The following LVRN variants were observed in gnomAD, a reference collection of about 807,000 sequenced individuals.
The protein encoded by LVRN is laeverin.
Under a neutral mutation model 111.4 loss-of-function variants are expected in LVRN, and 99 were observed. That is an observed-to-expected ratio of 0.89 (90% CI 0.76 to 1.05). The LOEUF (loss-of-function observed/expected upper bound fraction) is 1.05, where lower values mean the gene tolerates loss of function less well. Ranked by LOEUF, LVRN falls within the 50% of genes least tolerant of loss-of-function variation. The pLI is 0.00. For synonymous variants in LVRN, 488 were observed against 449.5 expected (o/e 1.09, Z -1.08); for missense variants, 1,414 against 1,206.8 (o/e 1.17, Z -2.54).
Position 115,976,779 on chromosome 5 carries a change from A to G in LVRN, c.696-6508A>G, listed in dbSNP as rs144172281. The stretch of plus-strand genomic sequence containing the variant: ...TTGAATGCCTGACATTTAAATTTTT[A>G]TGTTGTTGGATGCTGGATTTGGTTA... On this transcript the variant is annotated intron_variant, in intron 1 of 19. Transcript: ENST00000357872. Among the ~76,000 whole-genome samples the G allele has an allele frequency of 4.9e-3, 743 of 152,140 alleles. 5 individuals carry two copies. Among genetic ancestry groups the G allele is most frequent in the Middle Eastern group, 6.8e-3 (2 of 294 alleles).
intron 18 of LVRN, among the ~76,000 whole-genome samples, chr5:116,019,446 G>A (rs1350945813): frequency 6.6e-6 from 1 of 152,018 alleles, no homozygotes; most frequent in African/African-American, 2.4e-5. Flanking sequence ...TTTACAACAG[G>A]GTTCACTCTT....
chr5:116,008,582 G>A (rs1489749144), intron 13 of LVRN, among the ~76,000 whole-genome samples: 1 of 148,374 alleles, frequency 6.7e-6, no homozygotes, highest in Non-Finnish European at 1.5e-5. Context: ...AAAAAGTACT[G>A]CTCCAGTGAA....
chr5:116,007,663 T>C (rs776810560), intron 13 of LVRN, among the ~76,000 whole-genome samples: 48 of 152,338 alleles, frequency 3.2e-4, no homozygotes, highest in Admixed American at 8.5e-4. Context: ...TCATATGTAC[T>C]ACAGGCATAC....
intron 5 of LVRN, 85 bp from the exon 6 acceptor site, chr5:115,993,656 T>C: frequency 1.2e-6 from 1 of 853,912 alleles, no homozygotes; most frequent in Non-Finnish European, 1.9e-6. Flanking sequence ...CTTTTGACCT[T>C]ACATTTACTT....
chr5:115,980,101 C>G (rs1026243074), intron 1 of LVRN, among the ~76,000 whole-genome samples: 1 of 152,052 alleles, frequency 6.6e-6, no homozygotes, highest in African/African-American at 2.4e-5. Context: ...GACAAATTCT[C>G]CCAAATTAAC....
intron 14 of LVRN, 47 bp downstream of exon 14, chr5:116,010,941 T>C (rs1176932741): frequency 2.2e-6 from 3 of 1,387,748 alleles, no homozygotes; most frequent in African/African-American, 3.0e-5. Flanking sequence ...TCCTCTCTTC[T>C]TCTTTTCATA....
intron 13 of LVRN, among the ~76,000 whole-genome samples, chr5:116,006,985 A>T (rs1748389303): frequency 6.6e-6 from 1 of 152,004 alleles, no homozygotes; most frequent in African/African-American, 2.4e-5. Context: ...GATATCCTTG[A>T]TTCCTCTCTT....
intron 13 of LVRN, among the ~76,000 whole-genome samples, chr5:116,007,966 G>A (rs1748412362): frequency 6.6e-6 from 1 of 152,176 alleles, no homozygotes. Flanking sequence ...ATAATTGTGT[G>A]TGTTCTGACT....
intron 2 of LVRN, 151 bp from the exon 3 acceptor site, chr5:115,984,419 T>C (rs1747802308): frequency 1.1e-6 from 1 of 900,650 alleles, no homozygotes; most frequent in South Asian, 1.8e-5. Context: ...TGGTTTTGGA[T>C]AGCTTAGGAG....
intron 15 of LVRN, among the ~76,000 whole-genome samples, chr5:116,013,769 A>G (rs1352886153): frequency 6.6e-6 from 1 of 152,180 alleles, no homozygotes; most frequent in Non-Finnish European, 1.5e-5. Flanking sequence ...AGTAGGGACC[A>G]CAAGGCATCA....
chr5:116,000,491 C>T lies in LVRN; in HGVS notation c.1574C>T (p.Ala525Val), dbSNP rs1256400269. 1.5e-5 allele frequency: 24 copies of T among 1,613,986 alleles called. No homozygotes were observed. Among genetic ancestry groups the T allele is most frequent in the Non-Finnish European group, 1.9e-5 (23 of 1,179,978 alleles). Residue 525 changes from alanine (A) to valine (V), a missense_variant, in exon 8 of 20, where the codon GCA (alanine) becomes GTA (valine). Physicochemically the swap from Ala to Val is moderately conservative, Grantham distance 64. Transcript: ENST00000357872. ...TTGAATGAGCATTTATTTGTCAGTG[C>T]ACTCAAGGTGAGTTTGCAAAATAGT... ...CFLNEHLFVS[A>V]LKSYLKTFSY...
At chr5:115,963,602 G>T (rs1021547253) in intron 1 of LVRN, among the ~76,000 whole-genome samples, 8 of 151,978 alleles carry the variant, frequency 5.3e-5, no homozygotes, top group East Asian at 1.9e-4. Context: ...GCAAACTATC[G>T]CAAGGACAAA....
chr5:116,010,012 T>G (rs1748452842), intron 13 of LVRN, among the ~76,000 whole-genome samples: 1 of 152,206 alleles, frequency 6.6e-6, no homozygotes, highest in Non-Finnish European at 1.5e-5. Flanking sequence ...TGAAAGGAAA[T>G]TGAGCAATTT....
In LVRN at chr5:115,983,361, A is replaced by C; in HGVS notation, c.770A>C (p.Lys257Thr). The change falls in exon 2 of 20, where the codon AAG becomes ACG. Residue 257 changes from lysine (K) to threonine (T), a missense_variant. Transcript: ENST00000357872. ...CCTTGTTTTGATGAGCCAGCTCTGA[A>C]GGCAACTTTTAATATTACAATGATT... ...VFPCFDEPAL[K>T]ATFNITMIHH... 2 of 1,611,986 alleles carry C rather than the reference A, an allele frequency of 1.2e-6. No homozygotes were observed. The highest frequency in any genetic ancestry group is 2.2e-5 in the South Asian group (2 of 90,626).
chr5:115,993,600 C>T, intron 5 of LVRN, 141 bp from the exon 6 acceptor site: 2 of 584,122 alleles, frequency 3.4e-6, no homozygotes, highest in Non-Finnish European at 6.0e-6. Context: ...TTTTGGTGTC[C>T]TGTCTTCAAG....
chr5:116,008,836 C>G (rs953189322), intron 13 of LVRN, among the ~76,000 whole-genome samples: 3 of 152,134 alleles, frequency 2.0e-5, no homozygotes, highest in African/African-American at 4.8e-5. Flanking sequence ...GAAGCCATCT[C>G]CATAACAAAG....
chr5:115,963,383 C>A, intron 1 of LVRN, 71 bp downstream of exon 1: 1 of 1,302,452 alleles, frequency 7.7e-7, no homozygotes, highest in Non-Finnish European at 1.0e-6. Context: ...GCGGGTCCAG[C>A]TGACTACCGT....
At chr5:115,984,093 C>T (rs1284519428) in intron 2 of LVRN, among the ~76,000 whole-genome samples, 2 of 152,180 alleles carry the variant, frequency 1.3e-5, no homozygotes, top group African/African-American at 2.4e-5. Flanking sequence ...CATTTCACAT[C>T]GAGTGCCTGG....
chr5:115,979,958 G>A (rs1234223942), intron 1 of LVRN, among the ~76,000 whole-genome samples: 6 of 152,164 alleles, frequency 3.9e-5, no homozygotes, highest in African/African-American at 1.4e-4. Context: ...CTCCAAGGGT[G>A]TCATGTGGTT....
Sources: allele counts gnomAD v4.1 joint callset (sites outside exome capture counted in the v4.1 genomes callset), GRCh38; gene constraint gnomAD v4.1.1; transcripts MANE v1.5; gene names NCBI Gene and HGNC (gene_info 2026-07-23, HGNC 2026-07-21).